Variants in FBN2 observed in about 807,000 individuals in gnomAD.
The protein encoded by FBN2 is fibrillin 2.
Under a neutral mutation model 355.6 loss-of-function variants are expected in FBN2, and 105 were observed. That is an observed-to-expected ratio of 0.30 (90% confidence interval 0.25 to 0.35). The LOEUF is 0.35. FBN2 is among the 10% of genes least tolerant of loss of function. The pLI is 1.00. For synonymous variants in FBN2, 1,350 were observed against 1,301.2 expected, an observed-to-expected ratio of 1.04 and a Z score of -0.81; for missense variants, 3,280 against 3,758.7, an observed-to-expected ratio of 0.87 and a Z score of 3.33.
chr5:128,319,494 AAATT>A (rs1469540594), intron 34 of FBN2, among the ~76,000 whole-genome samples: 1 of 150,816 alleles, frequency 6.6e-6, no homozygotes, highest in Non-Finnish European at 1.5e-5. Flanking sequence ...TTAATTAAAT[AAATT>A]TAGTTAATTT....
intron 46 of FBN2, 29 bp downstream of exon 46, chr5:128,302,944 A>C: frequency 1.7e-6 from 2 of 1,148,872 alleles, no homozygotes; most frequent in Non-Finnish European, 2.6e-6. Flanking sequence ...ATGAAATAGA[A>C]GCAATAAAGG....
At chr5:128,290,689 A>G in intron 50 of FBN2, 43 bp downstream of exon 50, 1 of 1,604,602 alleles carries the variant, frequency 6.2e-7, no homozygotes, top group Non-Finnish European at 8.5e-7. Context: ...AACATTCAAA[A>G]ACTGGTACAC....
Position 128,273,723 on chromosome 5 carries a change from C to CAAA in FBN2, c.7840+116_7840+117insTTT, listed in dbSNP as rs1185435486. The stretch of plus-strand genomic sequence containing the variant: ...ATGACCAGGAATAAGTTGCTGGGTC[C>CAAA]TATTTTGTTCAATACTTTTTTTTCT... On this transcript the variant is annotated intron_variant, in intron 61 of 64. Transcript: ENST00000262464. The CAAA allele has an allele frequency of 5.8e-6, 6 of 1,034,354 alleles. No individual in the cohort carries two copies. The East Asian group carries it at 1.5e-4, about 27-fold the overall frequency. The allele number at this position is 1,034,354 out of a possible 1,614,324, so 64.1% of individuals were successfully genotyped here. A position where few individuals can be genotyped will look rare whatever the true frequency, so the allele number is the denominator to read the frequency against.
At chr5:128,265,447 A>T (rs1765092030) in intron 62 of FBN2, among the ~76,000 whole-genome samples, 1 of 152,222 alleles carries the variant, frequency 6.6e-6, no homozygotes. Flanking sequence ...AATGTATATC[A>T]TGATTAAAAT....
chr5:128,482,502 G>A (rs1227073839), intron 5 of FBN2, among the ~76,000 whole-genome samples: 1 of 152,010 alleles, frequency 6.6e-6, no homozygotes, highest in Non-Finnish European at 1.5e-5. Flanking sequence ...TTGCAACCAA[G>A]ACCCTTAACT....
Position 128,261,777 on chromosome 5 carries a change from T to C in FBN2, c.8323A>G (p.Ser2775Gly), listed in dbSNP as rs1188395679. 4 of 1,614,250 alleles carry C rather than the reference T, an allele frequency of 2.5e-6. No homozygotes were observed. The highest frequency in any genetic ancestry group is 4.5e-5 in the East Asian group (2 of 44,886). ...TCATGAATACTTCTCTTCTGCCTGC[T>C]GTCTTTCTTAGAATAGCCGTTGATT... ...CKINGYSKKD[S>G]RQKRSIHEPD... Residue 2775 changes from serine (S) to glycine (G), a missense_variant, in exon 64 of 65, where the codon AGC becomes GGC. Ser to Gly is a moderately conservative substitution (Grantham distance 56, BLOSUM62 0). Transcript: ENST00000262464.
intron 48 of FBN2, 85 bp downstream of exon 48, chr5:128,300,732 T>C (rs1749690922): frequency 3.6e-6 from 5 of 1,373,500 alleles, no homozygotes; most frequent in South Asian, 3.5e-5. Context: ...CTTGCAGTGG[T>C]TGGCACTTAG....
intron 46 of FBN2, among the ~76,000 whole-genome samples, chr5:128,302,086 C>A (rs1581200745): frequency 1.1e-5 from 1 of 91,342 alleles, no homozygotes; most frequent in Non-Finnish European, 3.1e-5. Flanking sequence ...AAGAAGGCAG[C>A]AGTTGAATAA....
At chr5:128,322,129 T>C (rs368600479) in intron 34 of FBN2, among the ~76,000 whole-genome samples, 1 of 152,170 alleles carries the variant, frequency 6.6e-6, no homozygotes, top group Non-Finnish European at 1.5e-5. Flanking sequence ...CTCACTTTTT[T>C]ATGGGGTTGT....
At chr5:128,358,341 T>A (rs1751556588) in intron 19 of FBN2, among the ~76,000 whole-genome samples, 1 of 152,070 alleles carries the variant, frequency 6.6e-6, no homozygotes, top group Non-Finnish European at 1.5e-5. Context: ...CTGAAAGAGG[T>A]CAATAGTCCT....
At chr5:128,395,631 A>C (rs1752630757) in intron 8 of FBN2, among the ~76,000 whole-genome samples, 1 of 152,236 alleles carries the variant, frequency 6.6e-6, no homozygotes, top group Non-Finnish European at 1.5e-5. Context: ...TGATTTTATA[A>C]AAGTTGATCA....
At chr5:128,399,123 T>C (rs1752726924) in intron 8 of FBN2, among the ~76,000 whole-genome samples, 2 of 152,170 alleles carry the variant, frequency 1.3e-5, no homozygotes, top group African/African-American at 4.8e-5. Flanking sequence ...AACTTAGAAC[T>C]TTCTAGCAAT....
intron 7 of FBN2, among the ~76,000 whole-genome samples, chr5:128,440,269 T>G (rs1485099494): frequency 6.6e-6 from 1 of 152,242 alleles, no homozygotes; most frequent in East Asian, 1.9e-4. Flanking sequence ...GACTCCTGTA[T>G]TAATCCATTT....
intron 62 of FBN2, among the ~76,000 whole-genome samples, chr5:128,266,829 T>C (rs911580480): frequency 6.6e-6 from 1 of 150,400 alleles, no homozygotes; most frequent in African/African-American, 2.4e-5. Flanking sequence ...TTGTTTTATA[T>C]TATTATTATA....
intron 5 of FBN2, among the ~76,000 whole-genome samples, chr5:128,484,163 T>C (rs548235189): frequency 1.7e-4 from 26 of 152,354 alleles, no homozygotes; most frequent in African/African-American, 6.3e-4. Flanking sequence ...TTATTCTCAT[T>C]CATATCTCTC....
At chr5:128,337,267 A>G (rs1028682489) in intron 27 of FBN2, among the ~76,000 whole-genome samples, 9 of 152,244 alleles carry the variant, frequency 5.9e-5, no homozygotes, top group African/African-American at 2.2e-4. Flanking sequence ...ATAAATAAAT[A>G]TATGTGTATT....
At chr5:128,424,091 T>C (rs1753423537) in intron 7 of FBN2, among the ~76,000 whole-genome samples, 1 of 152,046 alleles carries the variant, frequency 6.6e-6, no homozygotes, top group Non-Finnish European at 1.5e-5. Context: ...ACTCGGTCTG[T>C]GTATGTTGAG....
At chr5:128,312,934 C>G in intron 36 of FBN2, 139 bp from the exon 37 acceptor site, 1 of 932,008 alleles carries the variant, frequency 1.1e-6, no homozygotes, top group African/African-American at 1.6e-5. Context: ...AAGTACCAAG[C>G]AATCTCCTGC....
intron 55 of FBN2, among the ~76,000 whole-genome samples, chr5:128,281,552 A>AT (rs1765545147): frequency 1.3e-5 from 2 of 152,156 alleles, no homozygotes; most frequent in South Asian, 4.1e-4. Flanking sequence ...GGTTTGTTAG[A>AT]TTTTTAGTGT....
Sources: allele counts gnomAD v4.1 joint callset (sites outside exome capture counted in the v4.1 genomes callset), GRCh38; gene constraint gnomAD v4.1.1; transcripts MANE v1.5; gene names NCBI Gene and HGNC (gene_info 2026-07-23, HGNC 2026-07-21).